The following TST variants were observed in gnomAD, a reference collection of about 807,000 sequenced individuals.
TST encodes epididymis secretory sperm binding protein.
TST carries 22 observed loss-of-function variants against 20.4 expected under a neutral mutation model. The ratio of observed to expected loss-of-function variants is 1.08; its 90% confidence interval spans 0.77 to 1.54. The LOEUF (loss-of-function observed/expected upper bound fraction) is 1.54. Among genes scored for constraint, TST ranks in the 40% most tolerant of loss-of-function variants. The probability of loss-of-function intolerance (pLI) is 0.00; values close to 1 mark genes in which losing one functional copy is unlikely to be tolerated. For synonymous variants in TST, 187 were observed against 173.8 expected, an observed-to-expected ratio of 1.08 and a Z score of -0.60; for missense variants, 392 against 405.2, an observed-to-expected ratio of 0.97 and a Z score of 0.28.
Position 37,011,156 on chromosome 22 carries a change from G to A in TST, c.765C>T (p.Cys255=). The change falls in exon 3 of 3, where the codon TGC becomes TGT. Residue 255 remains cysteine (C), a synonymous_variant. Transcript: ENST00000249042. ...AGAGGTAGGCAGCCAAGGCCACGTG[G>A]CAGGCGGTGACTCCCTTGCGGCACG... ...IATCRKGVTA[C]HVALAAYLCG... 6.2e-7 allele frequency: 1 copy of A among 1,613,766 alleles called. No individual in the cohort carries two copies. Among genetic ancestry groups the A allele is most frequent in the Non-Finnish European group, 8.5e-7 (1 of 1,180,038 alleles).
chr22:37,018,657 C>A lies in TST; in HGVS notation c.76G>T (p.Gly26Trp), dbSNP rs1238372182. Residue 26 changes from glycine (G) to tryptophan (W), a missense_variant, in exon 2 of 3, where the codon GGG (glycine) becomes TGG (tryptophan). Coordinates refer to ENST00000249042, the MANE Select transcript of TST (RefSeq NM_003312.6). ...GCGTCCAGCACCCGCAGGCCGGGCC[C>A]CAGCTTGCCAGTCCTGATGGACTCC... ...LAESIRTGKL[G>W]PGLRVLDASW... 1 of 1,560,120 alleles carries A rather than the reference C, an allele frequency of 6.4e-7. No homozygotes were observed.
At chr22:37,014,155 G>A (rs537363672) in intron 2 of TST, among the ~76,000 whole-genome samples, 4 of 152,272 alleles carry the variant, frequency 2.6e-5, no homozygotes, top group Admixed American at 2.0e-4. Context: ...GAGGTCAGGA[G>A]ATCGAGACCA....
chr22:37,013,580 C>T (rs1922560511), intron 2 of TST, among the ~76,000 whole-genome samples: 1 of 152,068 alleles, frequency 6.6e-6, no homozygotes, highest in East Asian at 1.9e-4. Context: ...GGTGATAGAG[C>T]AAGACTCTGT....
At chr22:37,014,190 G>A (rs999839575) in intron 2 of TST, among the ~76,000 whole-genome samples, 5 of 152,106 alleles carry the variant, frequency 3.3e-5, no homozygotes, top group East Asian at 1.9e-4. Context: ...GTGAAACCCC[G>A]TCTCTACTAA....
At chr22:37,018,004 G>A (rs1272988656) in intron 2 of TST, 134 bp downstream of exon 2, 4 of 656,458 alleles carry the variant, frequency 6.1e-6, no homozygotes, top group Admixed American at 3.6e-5. Context: ...TGGTTTTATC[G>A]ATGGAAAGAC....
intron 2 of TST, 69 bp downstream of exon 2, chr22:37,018,069 G>T: frequency 8.0e-7 from 1 of 1,255,618 alleles, no homozygotes. Flanking sequence ...GAGGGTCCCA[G>T]TCATCCTTAC....
At position 37,018,704 on chromosome 22, in the gene TST, A is replaced by G; in HGVS notation, c.29T>C (p.Leu10Pro). The G allele has an allele frequency of 6.6e-7, 1 of 1,514,084 alleles. No individual in the cohort carries two copies. The highest frequency in any genetic ancestry group is 1.4e-5 in the African/African-American group (1 of 72,236). 93.8% of individuals were successfully genotyped at this position (1,514,084 alleles called of 1,614,324 possible). Residue 10 changes from leucine to proline, a missense_variant, in exon 2 of 3, where the codon CTG becomes CCG. By Grantham distance (98) the Leu-to-Pro change is moderately conservative. Coordinates refer to ENST00000249042, the MANE Select transcript of TST (RefSeq NM_003312.6). Reference sequence around the variant, plus strand: ...CTCCGCCAGCCACTTGGTGGAGACCAGCGCCCGGTAGAGCACCTGATGAAC... The same window carrying G: ...CTCCGCCAGCCACTTGGTGGAGACCGGCGCCCGGTAGAGCACCTGATGAAC... MVHQVLYRA[L>P]VSTKWLAESI...
upstream of TST, chr22:37,019,881 C>T (rs1922925322): frequency 1.7e-6 from 2 of 1,209,756 alleles, no homozygotes; most frequent in African/African-American, 1.6e-5. Flanking sequence ...GGGTAACTGC[C>T]GCGGCGTGGC....
Position 37,010,910 on chromosome 22 carries a change from G to C in TST, c.*117C>G, listed in dbSNP as rs1411138881. On this transcript the variant is annotated 3_prime_UTR_variant, in exon 3 of 3. Coordinates refer to ENST00000249042, the MANE Select transcript of TST (RefSeq NM_003312.6). ...TCCAGTGTTGACAGAGAGAGGGTGA[G>C]CCTTGCACAGCAATTCTAAAAACAT... 2.9e-6 allele frequency: 4 copies of C among 1,403,366 alleles called. No individual in the cohort carries two copies. The African/African-American group carries it at 4.3e-5, about 15-fold the overall frequency. The allele number at this position is 1,403,366 out of a possible 1,614,324, so 86.9% of individuals were successfully genotyped here.
At position 37,014,137 on chromosome 22, in the gene TST, C is replaced by T. The variant is rs1050758508; in HGVS notation, c.596-2812G>A. 6.6e-5 allele frequency among the ~76,000 whole-genome samples: 10 copies of T among 152,074 alleles called. No homozygotes were observed. In the East Asian group the frequency reaches 9.6e-4, roughly 15 times the overall value. On this transcript the variant is annotated intron_variant, in intron 2 of 2. Coordinates refer to ENST00000249042, the MANE Select transcript of TST (RefSeq NM_003312.6). ...CAGTACTTTGGGAGGCCGAGGTGGG[C>T]GGATCACGAGGTCAGGAGATCGAGA...
chr22:37,019,661 G>A (rs1436909646), upstream of TST: 14 of 343,080 alleles, frequency 4.1e-5, no homozygotes, highest in Non-Finnish European at 7.3e-5. Flanking sequence ...GGCCTGGGCT[G>A]GGCGGAGCGG....
intron 2 of TST, among the ~76,000 whole-genome samples, chr22:37,017,219 G>T (rs927867405): frequency 1.3e-5 from 2 of 152,158 alleles, no homozygotes; most frequent in East Asian, 1.9e-4. Flanking sequence ...CCGAGGTTCT[G>T]TCTGGCTAGG....
At chr22:37,013,015 C>T (rs932366898) in intron 2 of TST, among the ~76,000 whole-genome samples, 7 of 151,998 alleles carry the variant, frequency 4.6e-5, no homozygotes, top group East Asian at 1.9e-4. Context: ...GCACTGCAGC[C>T]TAGGCAGCAA....
chr22:37,013,761 A>T (rs1394375822), intron 2 of TST, among the ~76,000 whole-genome samples: 1 of 152,230 alleles, frequency 6.6e-6, no homozygotes, highest in African/African-American at 2.4e-5. Flanking sequence ...CATCGAGGGC[A>T]TTCTTTCCCA....
chr22:37,011,175 C>A lies in TST; in HGVS notation c.746G>T (p.Arg249Leu). 1.9e-6 allele frequency: 3 copies of A among 1,613,756 alleles called. No homozygotes were observed. The highest frequency in any genetic ancestry group is 2.5e-6 in the Non-Finnish European group (3 of 1,180,014). The change falls in exon 3 of 3, where the codon CGC (arginine) becomes CTC (leucine). Residue 249 changes from arginine to leucine, a missense_variant. Arg to Leu is a moderately radical substitution (Grantham distance 102). Transcript: ENST00000249042. The stretch of plus-strand genomic sequence containing the variant: ...CACGTGGCAGGCGGTGACTCCCTTG[C>A]GGCACGTGGCAATGAGAGGCTGCGA... ...DLSQPLIATC[R>L]KGVTACHVAL...
At chr22:37,015,719 A>G (rs573165329) in intron 2 of TST, among the ~76,000 whole-genome samples, 11 of 152,260 alleles carry the variant, frequency 7.2e-5, no homozygotes, top group Non-Finnish European at 1.5e-4. Context: ...TGTGTGTTAC[A>G]TCTGGACCGC....
intron 2 of TST, among the ~76,000 whole-genome samples, chr22:37,017,896 C>G (rs1367768857): frequency 6.6e-6 from 1 of 152,196 alleles, no homozygotes; most frequent in Non-Finnish European, 1.5e-5. Context: ...TCTGCTCACA[C>G]AGATGCTAGG....
Position 37,011,059 on chromosome 22 carries a change from G to A in TST, c.862C>T (p.Arg288Cys), listed in dbSNP as rs148918180. The change falls in exon 3 of 3, where the codon CGT becomes TGT. Residue 288 changes from arginine (R) to cysteine (C), a missense_variant. Arg to Cys is a radical substitution (Grantham distance 180). Coordinates refer to ENST00000249042, the MANE Select transcript of TST (RefSeq NM_003312.6). ...EWFRRAPPES[R>C]VSQGKSEKA ...TTCTCAGACTTTCCCTGGGACACAC[G>A]GCTCTCTGGGGGGGCCCGGCGAAAC... 325 of 1,611,534 alleles carry A rather than the reference G, an allele frequency of 2.0e-4. 1 individual carries two copies. The highest frequency in any genetic ancestry group is 9.0e-4 in the Admixed American group (54 of 60,020).
chr22:37,018,585 C>T lies in TST; in HGVS notation c.148G>A (p.Glu50Lys), dbSNP rs888321938. 6.4e-7 allele frequency: 1 copy of T among 1,562,734 alleles called. No homozygotes were observed. The highest frequency in any genetic ancestry group is 8.7e-7 in the Non-Finnish European group (1 of 1,153,848). The change falls in exon 2 of 3, where the codon GAG (glutamate) becomes AAG (lysine). Residue 50 changes from glutamate (E) to lysine (K), a missense_variant. Glu to Lys is a moderately conservative substitution (Grantham distance 56). Transcript: ENST00000249042. ...GTREARKEYL[E>K]RHVPGASFFD... ...AAAGAGGCGCCGGGTACGTGGCGCTCGAGGTACTCCTTGCGGGCCTCTCGG... is the reference window on the plus strand; with the variant it reads ...AAAGAGGCGCCGGGTACGTGGCGCTTGAGGTACTCCTTGCGGGCCTCTCGG...
Sources: allele counts gnomAD v4.1 joint callset (sites outside exome capture counted in the v4.1 genomes callset), GRCh38; gene constraint gnomAD v4.1.1; transcripts MANE v1.5; gene names NCBI Gene and HGNC (gene_info 2026-07-23, HGNC 2026-07-21).